Variants in TMEM244 observed in about 807,000 individuals in gnomAD.
TMEM244 encodes the protein transmembrane protein 244.
TMEM244 carries 13 observed loss-of-function variants against 15.8 expected under a neutral mutation model. The ratio of observed to expected loss-of-function variants is 0.82; its 90% CI spans 0.53 to 1.30. The LOEUF is 1.30. Among genes scored for constraint, TMEM244 ranks in the 50% most tolerant of loss-of-function variants. The probability of loss-of-function intolerance (pLI) is 0.00; values close to 1 mark genes in which losing one functional copy is unlikely to be tolerated. For synonymous variants in TMEM244, 45 were observed against 48.7 expected (o/e 0.92, Z 0.32); for missense variants, 161 against 144.9 (o/e 1.11, Z -0.57).
At chr6:129,836,714 T>G (rs780648040) in intron 3 of TMEM244, among the ~76,000 whole-genome samples, 13 of 151,866 alleles carry the variant, frequency 8.6e-5, no homozygotes, top group Non-Finnish European at 1.9e-4. Flanking sequence ...GAATAAACAG[T>G]GTGGAGATGA....
At chr6:129,853,615 C>A (rs562252886) in intron 1 of TMEM244, among the ~76,000 whole-genome samples, 2 of 152,092 alleles carry the variant, frequency 1.3e-5, no homozygotes, top group South Asian at 4.2e-4. Context: ...CTTTTTTGAT[C>A]AAAATATTTT....
intron 2 of TMEM244, among the ~76,000 whole-genome samples, chr6:129,845,072 A>T (rs1191129563): frequency 6.6e-6 from 1 of 152,208 alleles, no homozygotes; most frequent in East Asian, 1.9e-4. Context: ...CACTTACATA[A>T]AAATGATACC....
chr6:129,859,401 T>C (rs1776768786), intron 1 of TMEM244, among the ~76,000 whole-genome samples: 1 of 152,214 alleles, frequency 6.6e-6, no homozygotes, highest in Non-Finnish European at 1.5e-5. Flanking sequence ...ACTTGTAGAA[T>C]CACAGCAAAG....
At chr6:129,836,284 G>C (rs1776405752) in intron 3 of TMEM244, among the ~76,000 whole-genome samples, 1 of 152,152 alleles carries the variant, frequency 6.6e-6, no homozygotes, top group African/African-American at 2.4e-5. Context: ...ACAGGGTCTG[G>C]AGTGGACCTC....
intron 3 of TMEM244, among the ~76,000 whole-genome samples, chr6:129,838,720 G>C (rs1055555313): frequency 6.6e-6 from 1 of 152,052 alleles, no homozygotes; most frequent in Non-Finnish European, 1.5e-5. Context: ...GAATCAAATA[G>C]ATGCAATAAA....
At chr6:129,858,222 T>C (rs1776746711) in intron 1 of TMEM244, among the ~76,000 whole-genome samples, 1 of 152,192 alleles carries the variant, frequency 6.6e-6, no homozygotes, top group African/African-American at 2.4e-5. Flanking sequence ...ACAACATATT[T>C]CTTGTTTCAT....
At position 129,845,831 on chromosome 6, in the gene TMEM244, G is replaced by T. The variant is rs1776554049; in HGVS notation, c.55C>A (p.Leu19Ile). 2 of 1,612,730 alleles carry T rather than the reference G, an allele frequency of 1.2e-6. No individual in the cohort carries two copies. The highest frequency in any genetic ancestry group is 3.4e-5 in the Admixed American group (2 of 59,688). The change falls in exon 2 of 5, where the codon CTA becomes ATA. Residue 19 changes from leucine to isoleucine, a missense_variant. Transcript: ENST00000368143. ...ACAGTGTAGAAAAGAATGACACATAGAAGAAACTTCTGCAAAACAACCTGT... is the reference window on the plus strand; with the variant it reads ...ACAGTGTAGAAAAGAATGACACATATAAGAAACTTCTGCAAAACAACCTGT... ...PSKVVLQKFL[L>I]CVILFYTVYY...
intron 2 of TMEM244, among the ~76,000 whole-genome samples, chr6:129,845,498 G>T (rs1009604558): frequency 6.6e-5 from 10 of 152,236 alleles, no homozygotes; most frequent in South Asian, 4.1e-4. Flanking sequence ...ATGAAAGTAG[G>T]CTGGATGCAG....
At chr6:129,850,665 A>G (rs1033354397) in intron 1 of TMEM244, among the ~76,000 whole-genome samples, 3 of 152,204 alleles carry the variant, frequency 2.0e-5, no homozygotes, top group Non-Finnish European at 2.9e-5. Flanking sequence ...ATTTATAAAA[A>G]TTTTGAAAGA....
At chr6:129,855,363 T>A (rs771573861) in intron 1 of TMEM244, among the ~76,000 whole-genome samples, 1 of 152,148 alleles carries the variant, frequency 6.6e-6, no homozygotes, top group African/African-American at 2.4e-5. Context: ...GGGTATAGTG[T>A]CAAGCTAATG....
chr6:129,842,145 C>T (rs1211042258), intron 3 of TMEM244, among the ~76,000 whole-genome samples: 1 of 152,120 alleles, frequency 6.6e-6, no homozygotes, highest in Non-Finnish European at 1.5e-5. Context: ...ACAGCCTTCT[C>T]CCATAAGCCT....
intron 3 of TMEM244, among the ~76,000 whole-genome samples, chr6:129,838,447 G>A (rs1321819853): frequency 1.3e-5 from 2 of 152,134 alleles, no homozygotes; most frequent in African/African-American, 4.8e-5. Context: ...TATGTAGAGG[G>A]AAATTTATAG....
intron 3 of TMEM244, among the ~76,000 whole-genome samples, chr6:129,842,781 C>T (rs55759166): frequency 4.2e-4 from 64 of 151,322 alleles, no homozygotes; most frequent in African/African-American, 1.5e-3. Context: ...AGAAAACATT[C>T]AAATTTTACT....
chr6:129,831,998 G>A, intron 4 of TMEM244, among the ~76,000 whole-genome samples: 1 of 152,116 alleles, frequency 6.6e-6, no homozygotes, highest in East Asian at 1.9e-4. Flanking sequence ...ACTGATACTA[G>A]GTGATGAATA....
At chr6:129,842,979 G>T (rs1776512204) in intron 3 of TMEM244, among the ~76,000 whole-genome samples, 1 of 151,384 alleles carries the variant, frequency 6.6e-6, no homozygotes, top group Admixed American at 6.6e-5. Context: ...TTTTTCTTCT[G>T]CAGCAAGTTC....
chr6:129,850,803 G>T (rs113914962), intron 1 of TMEM244, among the ~76,000 whole-genome samples: 19 of 152,244 alleles, frequency 1.2e-4, no homozygotes, highest in African/African-American at 4.6e-4. Context: ...AGTACAAAAG[G>T]TAATTTATTT....
At chr6:129,848,136 C>T (rs1260429481) in intron 1 of TMEM244, among the ~76,000 whole-genome samples, 2 of 152,140 alleles carry the variant, frequency 1.3e-5, no homozygotes, top group Non-Finnish European at 2.9e-5. Flanking sequence ...CTTTCCTCAA[C>T]CCTTGGTCCC....
At chr6:129,861,096 C>G (rs977681081) in intron 1 of TMEM244, 60 bp downstream of exon 1, 1 of 1,586,424 alleles carries the variant, frequency 6.3e-7, no homozygotes, top group Admixed American at 1.7e-5. Flanking sequence ...AGAACATATT[C>G]ATTTACACCA....
At chr6:129,833,662 A>C in intron 3 of TMEM244, 77 bp from the exon 4 acceptor site, 2 of 1,407,682 alleles carry the variant, frequency 1.4e-6, no homozygotes, top group Non-Finnish European at 1.9e-6. Context: ...TAACAAGACC[A>C]GGAAAGCTTA....
Sources: gnomAD v4.1 joint callset for allele counts (sites outside exome capture counted in the v4.1 genomes callset) on GRCh38, gnomAD v4.1.1 for gene constraint, MANE v1.5 for transcripts, NCBI Gene and HGNC (gene_info 2026-07-23, HGNC 2026-07-21) for gene names.